The following NKAIN3 variants were observed in gnomAD, a reference collection of about 807,000 sequenced individuals.
NKAIN3 encodes sodium/potassium-transporting ATPase subunit beta-1-interacting protein 3.
A neutral mutation model predicts 30.2 loss-of-function variants in NKAIN3; 25 were observed. The observed-to-expected ratio is 0.83, with a 90% CI of 0.60 to 1.16. The LOEUF (loss-of-function observed/expected upper bound fraction) is 1.16, where lower values mean the gene tolerates loss of function less well. NKAIN3 is among the 50% of genes most tolerant of loss of function. The probability of loss-of-function intolerance (pLI) is 0.00; values close to 1 mark genes in which losing one functional copy is unlikely to be tolerated. For synonymous variants in NKAIN3, 91 were observed against 89.6 expected (o/e 1.02, Z -0.09); for missense variants, 225 against 254.1 (o/e 0.89, Z 0.78).
intron 3 of NKAIN3, among the ~76,000 whole-genome samples, chr8:62,637,337 T>A (rs1352025183): frequency 6.6e-6 from 1 of 152,182 alleles, no homozygotes; most frequent in Non-Finnish European, 1.5e-5. Flanking sequence ...TGCAAATAAA[T>A]GAGCTTCCTA....
At position 62,912,648 on chromosome 8, in the gene NKAIN3, G is replaced by A. The variant is rs181564978; in HGVS notation, c.472-5805G>A. 2.1e-3 allele frequency among the ~76,000 whole-genome samples: 314 copies of A among 152,100 alleles called. 1 individual carries two copies. Among genetic ancestry groups the A allele is most frequent in the African/African-American group, 7.1e-3 (293 of 41,482 alleles). On this transcript the variant is annotated intron_variant, in intron 4 of 6. Coordinates refer to ENST00000623646, the MANE Select transcript of NKAIN3 (RefSeq NM_001304533.3). ...GATCCAGCTGGGTGCAGTGGCTCAC[G>A]CCTCTAATCCCAACACTTTGGGAGG...
intron 4 of NKAIN3, among the ~76,000 whole-genome samples, chr8:62,808,812 A>T (rs1658034803): frequency 6.6e-6 from 1 of 152,160 alleles, no homozygotes; most frequent in South Asian, 2.1e-4. Context: ...CCCACTGGGC[A>T]TGCATTGTCA....
chr8:62,875,501 C>T (rs899407994), intron 4 of NKAIN3, among the ~76,000 whole-genome samples: 2 of 150,672 alleles, frequency 1.3e-5, no homozygotes, highest in African/African-American at 2.4e-5. Flanking sequence ...TGGAATCAAA[C>T]ACCTCGTATA....
In NKAIN3 at chr8:62,570,993, C is replaced by G. The variant is rs552274542; in HGVS notation, c.55-8546C>G. Among the ~76,000 whole-genome samples the G allele has an allele frequency of 8.5e-4, 129 of 152,028 alleles. 2 individuals carry two copies. The highest frequency in any genetic ancestry group is 2.4e-5 in the African/African-American group (1 of 41,382). On this transcript the variant is annotated intron_variant, in intron 1 of 6. Coordinates refer to ENST00000623646, the MANE Select transcript of NKAIN3 (RefSeq NM_001304533.3). ...TCTCTTGTGTGTAGTCTCTAGCCTACGAATTCATGTGATAAATATTTCATA... is the reference window on the plus strand; with the variant it reads ...TCTCTTGTGTGTAGTCTCTAGCCTAGGAATTCATGTGATAAATATTTCATA...
At chr8:62,990,751 C>T (rs781348523) in intron 5 of NKAIN3, 1 of 152,214 alleles carries the variant, frequency 6.6e-6, no homozygotes, top group Non-Finnish European at 1.5e-5. Flanking sequence ...CACAATCGAT[C>T]CATTCGAAGT....
chr8:62,680,859 T>C (rs1395106917), intron 3 of NKAIN3, among the ~76,000 whole-genome samples: 1 of 152,250 alleles, frequency 6.6e-6, no homozygotes, highest in East Asian at 1.9e-4. Context: ...CCAATTTTGC[T>C]TCCAATTATA....
chr8:62,513,715 AC>A (rs1269611810), intron 1 of NKAIN3, among the ~76,000 whole-genome samples: 1 of 151,922 alleles, frequency 6.6e-6, no homozygotes, highest in Non-Finnish European at 1.5e-5. Flanking sequence ...AAAAAAAGAT[AC>A]AAAAATTAGC....
At chr8:62,422,578 A>C (rs1273611830) in intron 1 of NKAIN3, among the ~76,000 whole-genome samples, 1 of 152,130 alleles carries the variant, frequency 6.6e-6, no homozygotes. Context: ...TTGTCCCATC[A>C]TCTCCATCTG....
At chr8:62,653,718 G>A (rs1812690403) in intron 3 of NKAIN3, among the ~76,000 whole-genome samples, 1 of 152,128 alleles carries the variant, frequency 6.6e-6, no homozygotes, top group Non-Finnish European at 1.5e-5. Context: ...TTTGCACCAA[G>A]TCTGGAATAT....
At chr8:62,812,713 A>G (rs942695979) in intron 4 of NKAIN3, among the ~76,000 whole-genome samples, 1 of 151,684 alleles carries the variant, frequency 6.6e-6, no homozygotes, top group Admixed American at 6.6e-5. Context: ...ACTACACTCA[A>G]TTTTTAGATT....
chr8:62,636,341 G>A (rs899479124), intron 3 of NKAIN3, among the ~76,000 whole-genome samples: 4 of 152,244 alleles, frequency 2.6e-5, no homozygotes, highest in Non-Finnish European at 5.9e-5. Flanking sequence ...AAGGTAGCCT[G>A]TGAAGACTTA....
chr8:62,390,935 G>T (rs1434174095), intron 1 of NKAIN3, among the ~76,000 whole-genome samples: 3 of 152,086 alleles, frequency 2.0e-5, no homozygotes, highest in Non-Finnish European at 4.4e-5. Context: ...ACAGATGCTG[G>T]ATATTAGAAC....
intron 1 of NKAIN3, among the ~76,000 whole-genome samples, chr8:62,249,628 C>T (rs1242899307): frequency 6.6e-6 from 1 of 152,090 alleles, no homozygotes; most frequent in African/African-American, 2.4e-5. Context: ...TGGTTCTAAC[C>T]TTAAGCAGGT....
rs189166632 is a variant in NKAIN3 at position 62,328,025 on chromosome 8, G to T, written c.54+78898G>T. 4.3e-3 allele frequency among the ~76,000 whole-genome samples: 657 copies of T among 152,044 alleles called. 5 individuals are homozygous for T. Among genetic ancestry groups the T allele is most frequent in the Middle Eastern group, 6.8e-3 (2 of 294 alleles). The stretch of plus-strand genomic sequence containing the variant: ...TAACTATTTTAAAGCCATTCATGGG[G>T]CTTTTTCTTACTGGTTTGATCCAAC... On this transcript the variant is annotated intron_variant, in intron 1 of 6. Coordinates refer to ENST00000623646, the MANE Select transcript of NKAIN3 (RefSeq NM_001304533.3).
intron 4 of NKAIN3, among the ~76,000 whole-genome samples, chr8:62,825,732 C>T (rs1819000951): frequency 6.6e-6 from 1 of 152,076 alleles, no homozygotes; most frequent in African/African-American, 2.4e-5. Context: ...TGAGAGGCTC[C>T]CCAGATAATC....
intron 1 of NKAIN3, among the ~76,000 whole-genome samples, chr8:62,372,815 GTCTC>G (rs767200164): frequency 3.3e-5 from 5 of 152,024 alleles, no homozygotes; most frequent in African/African-American, 1.2e-4. Flanking sequence ...TTTTATAAGA[GTCTC>G]TATCTTTTAC....
At chr8:62,482,288 G>A (rs1277203435) in intron 1 of NKAIN3, 1 of 152,202 alleles carries the variant, frequency 6.6e-6, no homozygotes, top group Non-Finnish European at 1.5e-5. Flanking sequence ...GCTTTAAGTG[G>A]AGCTTGAGTC....
intron 4 of NKAIN3, among the ~76,000 whole-genome samples, chr8:62,816,640 A>T (rs1818692222): frequency 6.6e-6 from 1 of 152,094 alleles, no homozygotes; most frequent in Non-Finnish European, 1.5e-5. Flanking sequence ...GTAGAGTGCT[A>T]TGTGGGCTTG....
At chr8:62,583,638 G>A (rs1003852040) in intron 2 of NKAIN3, among the ~76,000 whole-genome samples, 3 of 152,206 alleles carry the variant, frequency 2.0e-5, no homozygotes, top group Non-Finnish European at 2.9e-5. Context: ...AGAACTGGGT[G>A]TGTACTGGCC....
Sources: gnomAD v4.1 joint callset for allele counts (sites outside exome capture counted in the v4.1 genomes callset) on GRCh38, gnomAD v4.1.1 for gene constraint, MANE v1.5 for transcripts, NCBI Gene and HGNC (gene_info 2026-07-23, HGNC 2026-07-21) for gene names.